IQCK: variants seen among roughly 807,000 people sequenced by gnomAD.
IQCK encodes the protein IQ domain-containing protein K.
A neutral mutation model predicts 28.1 loss-of-function variants in IQCK; 29 were observed. The ratio of observed to expected loss-of-function variants is 1.03; its 90% CI spans 0.77 to 1.41. IQCK has a LOEUF of 1.41. IQCK is among the 40% of genes most tolerant of loss of function. The pLI is 0.00. For missense variants in IQCK, 359 were observed against 314.7 expected (o/e 1.14, Z -1.07); for synonymous variants, 113 against 115.1 (o/e 0.98, Z 0.12).
chr16:19,827,157 G>C lies in IQCK; in HGVS notation c.822G>C (p.Leu274=), dbSNP rs768018046. 6.7e-7 allele frequency: 1 copy of C among 1,503,130 alleles called. No individual in the cohort carries two copies. The highest frequency in any genetic ancestry group is 9.3e-7 in the Non-Finnish European group (1 of 1,078,702). The allele number at this position is 1,503,130 out of a possible 1,614,324, so 93.1% of individuals were successfully genotyped here. ...AAAAAGGTAAGTTGCTGGATTCACT[G>C]TCCTTAGTTCATTCAAGAAAAGCCT... Residue 274 remains leucine (L), a synonymous_variant, in exon 8 of 8, where the codon CTG becomes CTC. Coordinates refer to ENST00000564186, the Ensembl canonical transcript of IQCK.
chr16:19,819,780 A>G (rs1338063412), intron 7 of IQCK, among the ~76,000 whole-genome samples: 17 of 151,794 alleles, frequency 1.1e-4, no homozygotes, highest in African/African-American at 2.2e-4. Flanking sequence ...TTGGGAGGCC[A>G]CGGGGGGCAG....
intron 7 of IQCK, among the ~76,000 whole-genome samples, chr16:19,816,350 C>T (rs376323278): frequency 3.3e-5 from 5 of 152,148 alleles, no homozygotes; most frequent in East Asian, 3.9e-4. Flanking sequence ...GGCGTGATCT[C>T]GGCTCACTGC....
intron 6 of IQCK, among the ~76,000 whole-genome samples, chr16:19,768,171 C>T (rs188551398): frequency 7.6e-4 from 116 of 152,238 alleles, no homozygotes; most frequent in African/African-American, 2.5e-3. Context: ...CATGCCATCT[C>T]ATTTAATCTT....
intron 4 of IQCK, among the ~76,000 whole-genome samples, chr16:19,753,818 C>T (rs114198042): frequency 1.5e-4 from 23 of 152,028 alleles, no homozygotes; most frequent in Non-Finnish European, 2.9e-4. Context: ...AGCTTTATCC[C>T]GGGCTGGCTT....
At chr16:19,812,281 C>T (rs965586940) in intron 7 of IQCK, among the ~76,000 whole-genome samples, 4 of 152,166 alleles carry the variant, frequency 2.6e-5, no homozygotes, top group Non-Finnish European at 4.4e-5. Context: ...GCCACTATGC[C>T]TGGCCATGGA....
At chr16:19,786,247 A>G (rs545816100) in intron 6 of IQCK, among the ~76,000 whole-genome samples, 1 of 152,302 alleles carries the variant, frequency 6.6e-6, no homozygotes, top group South Asian at 2.1e-4. Context: ...GAGGAGAGAC[A>G]TTTAATGTGG....
At position 19,811,209 on chromosome 16, in the gene IQCK, C is replaced by T. The variant is rs189864043; in HGVS notation, c.691-15817C>T. ...TGGCTTGAGCCCAGGAGGTTGAAGC[C>T]GCAGTGAGCCCAGATCATGCCACTG... On this transcript the variant is annotated intron_variant, in intron 7 of 7. Transcript: ENST00000564186. Among the ~76,000 whole-genome samples the T allele has an allele frequency of 5.3e-5, 8 of 150,778 alleles. No homozygotes were observed. In the East Asian group the frequency reaches 1.0e-3, roughly 19 times the overall value.
exon 10 of IQCK, chr16:19,857,739 C>G (rs2056579771): frequency 7.7e-6 from 1 of 129,922 alleles, no homozygotes; most frequent in Non-Finnish European, 1.6e-5. Context: ...CTGACGGCAT[C>G]TGGGCTAAAA....
chr16:19,846,149 A>C (rs893716008), intron 9 of IQCK, among the ~76,000 whole-genome samples: 2 of 152,238 alleles, frequency 1.3e-5, no homozygotes, highest in African/African-American at 4.8e-5. Context: ...TCATCCTTGA[A>C]TTCTACCAAA....
chr16:19,823,275 T>C lies in IQCK; in HGVS notation c.691-3751T>C, dbSNP rs557916348. Among the ~76,000 whole-genome samples the C allele has an allele frequency of 8.6e-4, 130 of 151,970 alleles. 1 individual carries two copies. The South Asian group carries it at 9.2e-3, about 11-fold the overall frequency. On this transcript the variant is annotated intron_variant, in intron 7 of 7. Coordinates refer to ENST00000564186, the Ensembl canonical transcript of IQCK. ...GGTGGCATCCCCATGGTCAGCAGAG[T>C]TGGGGAGCAGCCGACCCCTTTAGAC...
chr16:19,831,010 G>A (rs1597597673), downstream of IQCK, among the ~76,000 whole-genome samples: 1 of 152,336 alleles, frequency 6.6e-6, no homozygotes, highest in East Asian at 1.9e-4. Context: ...CTGGCACAGA[G>A]CAGATGGTCT....
intron 7 of IQCK, among the ~76,000 whole-genome samples, chr16:19,802,575 G>T (rs1046064665): frequency 3.0e-5 from 4 of 133,390 alleles, no homozygotes; most frequent in African/African-American, 1.2e-4. Flanking sequence ...TATTGTTGTT[G>T]CAGCTGTTGG....
intron 4 of IQCK, chr16:19,761,234 A>G: frequency 2.8e-6 from 1 of 351,100 alleles, no homozygotes; most frequent in Non-Finnish European, 5.7e-6. Flanking sequence ...GACATTTCCA[A>G]TAAGGTTACA....
chr16:19,818,953 T>A (rs2056027122), intron 7 of IQCK, among the ~76,000 whole-genome samples: 1 of 152,098 alleles, frequency 6.6e-6, no homozygotes, highest in Non-Finnish European at 1.5e-5. Flanking sequence ...TGGCATTGGA[T>A]CAATTGGCAT....
intron 4 of IQCK, among the ~76,000 whole-genome samples, chr16:19,757,481 T>C (rs985417075): frequency 2.6e-5 from 4 of 152,208 alleles, no homozygotes; most frequent in Non-Finnish European, 1.5e-5. Flanking sequence ...GAGACCAGCC[T>C]GGCCAACATG....
intron 9 of IQCK, among the ~76,000 whole-genome samples, chr16:19,855,317 C>A (rs762683150): frequency 1.3e-5 from 2 of 152,154 alleles, no homozygotes; most frequent in Admixed American, 6.5e-5. Flanking sequence ...CAGGGCCAGG[C>A]GCAGTGGCTC....
chr16:19,740,832 G>A (rs1479424371), intron 4 of IQCK, among the ~76,000 whole-genome samples: 1 of 151,914 alleles, frequency 6.6e-6, no homozygotes, highest in African/African-American at 2.4e-5. Context: ...AGCCGGGCGT[G>A]GTGGCAGGTG....
intron 7 of IQCK, among the ~76,000 whole-genome samples, chr16:19,814,494 A>C (rs1029598973): frequency 2.0e-5 from 3 of 152,142 alleles, no homozygotes; most frequent in Admixed American, 6.6e-5. Flanking sequence ...AGAAAGCAGG[A>C]TAGAAAAAGA....
intron 6 of IQCK, among the ~76,000 whole-genome samples, chr16:19,769,390 T>TC: frequency 6.6e-6 from 1 of 152,216 alleles, no homozygotes. Context: ...GTTGTGAAGA[T>TC]ACAGTGATAC....
Sources: allele counts gnomAD v4.1 joint callset (sites outside exome capture counted in the v4.1 genomes callset), GRCh38; gene constraint gnomAD v4.1.1; transcripts MANE v1.5; gene names NCBI Gene and HGNC (gene_info 2026-07-23, HGNC 2026-07-21).